The following CCDC69 variants were observed in gnomAD, a reference collection of about 807,000 sequenced individuals.
CCDC69 encodes the protein coiled-coil domain-containing protein 69.
A neutral mutation model predicts 40.3 loss-of-function variants in CCDC69; 38 were observed. That is an observed-to-expected ratio of 0.94 (90% confidence interval 0.73 to 1.24). The LOEUF (loss-of-function observed/expected upper bound fraction) is 1.24. Among genes scored for constraint, CCDC69 ranks in the 50% most tolerant of loss-of-function variants. CCDC69 has a pLI of 0.00. For missense variants in CCDC69, 389 were observed against 357.9 expected, an observed-to-expected ratio of 1.09 and a Z score of -0.70; for synonymous variants, 141 against 138.9, an observed-to-expected ratio of 1.02 and a Z score of -0.11.
intron 1 of CCDC69, among the ~76,000 whole-genome samples, chr5:151,208,776 C>A (rs1752888555): frequency 6.6e-6 from 1 of 152,224 alleles, no homozygotes; most frequent in African/African-American, 2.4e-5. Flanking sequence ...TTTATGGGAG[C>A]CAGAAGGCCT....
Position 151,181,392 on chromosome 5 carries a change from ATT to A in CCDC69, c.*2043_*2044del, listed in dbSNP as rs770804367. ...CCACCACGCCAAGCTAATTTTTTGTATTTTTTTAGTAGAGACAGGGTTTCACT... is the reference window on the plus strand; with the variant it reads ...CCACCACGCCAAGCTAATTTTTTGTATTTTTAGTAGAGACAGGGTTTCACT... On this transcript the variant is annotated 3_prime_UTR_variant, in exon 9 of 9. Coordinates refer to ENST00000355417, the MANE Select transcript of CCDC69 (RefSeq NM_015621.3). 2.6e-5 allele frequency: 4 copies of A among 151,836 alleles called. No homozygotes were observed. Among genetic ancestry groups the A allele is most frequent in the African/African-American group, 4.8e-5 (2 of 41,286 alleles). The allele number at this position is 151,836 out of a possible 1,614,324, so 9.4% of individuals were successfully genotyped here.
Position 151,199,015 on chromosome 5 carries a change from T to A in CCDC69, c.301A>T (p.Asn101Tyr), listed in dbSNP as rs148835102. The A allele has an allele frequency of 1.2e-4, 200 of 1,614,056 alleles. 2 individuals carry two copies. In the Middle Eastern group the frequency reaches 1.3e-3, roughly 11 times the overall value. ...CCCTTACCTTGCAGGGCCTCTTCATTCTTTCCTTCCAGGACCCTTTGCTGC... is the reference window on the plus strand; with the variant it reads ...CCCTTACCTTGCAGGGCCTCTTCATACTTTCCTTCCAGGACCCTTTGCTGC... The part of the protein sequence containing the change: ...DEQQRVLEGK[N>Y]EEALQVLRAS... The change falls in exon 4 of 9, where the codon AAT becomes TAT. Residue 101 changes from asparagine to tyrosine, a missense_variant. By Grantham distance (143) the Asn-to-Tyr change is moderately radical. Transcript: ENST00000355417.
intron 3 of CCDC69, among the ~76,000 whole-genome samples, chr5:151,200,193 CA>C (rs1161285001): frequency 2.0e-5 from 3 of 151,652 alleles, no homozygotes; most frequent in Non-Finnish European, 4.4e-5. Flanking sequence ...GGCAAGAGTG[CA>C]GTGGTGAGAT....
At chr5:151,194,646 G>A (rs1752668769) in intron 4 of CCDC69, among the ~76,000 whole-genome samples, 1 of 152,200 alleles carries the variant, frequency 6.6e-6, no homozygotes, top group Non-Finnish European at 1.5e-5. Context: ...TGTAATCCCA[G>A]TACTTTGGGA....
intron 1 of CCDC69, among the ~76,000 whole-genome samples, chr5:151,207,522 A>T (rs1752869643): frequency 6.8e-6 from 1 of 147,808 alleles, no homozygotes; most frequent in African/African-American, 2.5e-5. Context: ...CGATCTCCTG[A>T]CCTCATGATC....
chr5:151,205,626 G>C (rs1027079088), intron 1 of CCDC69, 151 bp from the exon 2 acceptor site: 12 of 663,260 alleles, frequency 1.8e-5, no homozygotes, highest in Non-Finnish European at 2.6e-5. Context: ...CTGCCTCGCA[G>C]CCCCAGGCAG....
chr5:151,207,724 C>T (rs987390983), intron 1 of CCDC69, among the ~76,000 whole-genome samples: 5 of 152,206 alleles, frequency 3.3e-5, no homozygotes, highest in African/African-American at 4.8e-5. Flanking sequence ...ATTACACACT[C>T]GCTCACACCA....
intron 4 of CCDC69, 197 bp downstream of exon 4, chr5:151,198,800 G>T: frequency 2.0e-6 from 1 of 488,318 alleles, no homozygotes; most frequent in Admixed American, 3.5e-5. Context: ...AAAGGTTGAT[G>T]CCAGCCTCTT....
At chr5:151,200,726 T>C (rs751490661) in intron 3 of CCDC69, among the ~76,000 whole-genome samples, 8 of 152,212 alleles carry the variant, frequency 5.3e-5, no homozygotes, top group Admixed American at 1.3e-4. Flanking sequence ...TCTTTCCTCA[T>C]GTTTCATGGC....
intron 1 of CCDC69, among the ~76,000 whole-genome samples, chr5:151,217,611 T>C (rs1203033559): frequency 1.3e-5 from 2 of 152,184 alleles, no homozygotes; most frequent in Non-Finnish European, 2.9e-5. Flanking sequence ...GTTACCTCCC[T>C]CTCTCCCAGA....
chr5:151,211,936 C>T (rs1298539307), intron 1 of CCDC69, among the ~76,000 whole-genome samples: 2 of 151,712 alleles, frequency 1.3e-5, no homozygotes, highest in Non-Finnish European at 2.9e-5. Context: ...GTGGAAAATC[C>T]CCAGGTTGGG....
chr5:151,208,902 A>T (rs1269205713), intron 1 of CCDC69, among the ~76,000 whole-genome samples: 1 of 152,224 alleles, frequency 6.6e-6, no homozygotes, highest in Non-Finnish European at 1.5e-5. Flanking sequence ...GGATGATCCC[A>T]TAGTGTTCAA....
At chr5:151,203,834 TA>T (rs1263041334) in intron 2 of CCDC69, among the ~76,000 whole-genome samples, 15 of 114,222 alleles carry the variant, frequency 1.3e-4, no homozygotes, top group African/African-American at 5.7e-4. Flanking sequence ...AGTATATATA[TA>T]AAATATATAT....
intron 2 of CCDC69, among the ~76,000 whole-genome samples, chr5:151,203,846 C>T (rs868576368): frequency 3.3e-5 from 4 of 120,792 alleles, no homozygotes; most frequent in South Asian, 2.4e-4. Flanking sequence ...AAATATATAT[C>T]ATATATAGTA....
intron 1 of CCDC69, among the ~76,000 whole-genome samples, chr5:151,220,204 T>C (rs899096627): frequency 5.3e-5 from 8 of 152,194 alleles, no homozygotes; most frequent in Admixed American, 5.2e-4. Context: ...AAGCATAACA[T>C]TAAGTCTGTG....
intron 3 of CCDC69, 118 bp from the exon 4 acceptor site, chr5:151,199,202 G>A (rs1456430597): frequency 5.0e-6 from 4 of 798,054 alleles, no homozygotes; most frequent in Non-Finnish European, 8.7e-6. Flanking sequence ...CTTCCTCTGA[G>A]GGATGGGAAT....
chr5:151,187,281 C>T (rs1752537212), intron 5 of CCDC69, 105 bp downstream of exon 5: 12 of 946,236 alleles, frequency 1.3e-5, no homozygotes, highest in Non-Finnish European at 1.2e-5. Context: ...GCCCCTCACT[C>T]CTAGGCACAC....
chr5:151,190,527 C>T (rs1306665104), intron 4 of CCDC69, among the ~76,000 whole-genome samples: 2 of 151,590 alleles, frequency 1.3e-5, no homozygotes, highest in Non-Finnish European at 2.9e-5. Context: ...TTGGCTGGGC[C>T]TGGTGGTGGG....
chr5:151,204,476 G>A (rs545548309), intron 2 of CCDC69, among the ~76,000 whole-genome samples: 29 of 152,292 alleles, frequency 1.9e-4, no homozygotes, highest in African/African-American at 7.0e-4. Flanking sequence ...CTATTACCAG[G>A]TAGCTCTGAT....
Sources: gnomAD v4.1 joint callset for allele counts (sites outside exome capture counted in the v4.1 genomes callset) on GRCh38, gnomAD v4.1.1 for gene constraint, MANE v1.5 for transcripts, NCBI Gene and HGNC (gene_info 2026-07-23, HGNC 2026-07-21) for gene names.